UNC13B: variants seen among roughly 807,000 people sequenced by gnomAD.
The protein encoded by UNC13B is protein unc-13 homolog B.
In UNC13B, 144 loss-of-function variants were observed where a neutral mutation model predicts 211.0. That is an observed-to-expected ratio of 0.68 (90% CI 0.60 to 0.78). The LOEUF (loss-of-function observed/expected upper bound fraction) is 0.78. Among genes scored for constraint, UNC13B ranks in the 30% least tolerant of loss-of-function variants. UNC13B has a pLI of 0.00. For synonymous variants in UNC13B, 709 were observed against 725.8 expected (o/e 0.98, Z 0.37); for missense variants, 1,777 against 2,002.0 (o/e 0.89, Z 2.14).
chr9:35,394,490 G>A (rs1178895291), intron 26 of UNC13B, among the ~76,000 whole-genome samples: 3 of 152,176 alleles, frequency 2.0e-5, no homozygotes, highest in Non-Finnish European at 4.4e-5. Flanking sequence ...CAGCTACTCA[G>A]GAGCCTGAGG....
At chr9:35,196,393 G>C (rs1315269475) in intron 1 of UNC13B, among the ~76,000 whole-genome samples, 1 of 152,248 alleles carries the variant, frequency 6.6e-6, no homozygotes, top group Non-Finnish European at 1.5e-5. Context: ...TGCAGAGTCA[G>C]TGTGAATAGG....
intron 5 of UNC13B, among the ~76,000 whole-genome samples, chr9:35,238,906 T>C (rs1050648744): frequency 1.2e-4 from 16 of 132,808 alleles, no homozygotes; most frequent in South Asian, 2.4e-4. Context: ...GGTGGGTTTT[T>C]TCATTTTTTT....
intron 9 of UNC13B, 22 bp from the exon 10 acceptor site, chr9:35,310,445 T>A: frequency 6.2e-7 from 1 of 1,605,710 alleles, no homozygotes; most frequent in Non-Finnish European, 8.5e-7. Context: ...TTTACTTATC[T>A]GTCTTTCTGT....
chr9:35,377,029 T>C (rs964908830), intron 15 of UNC13B, among the ~76,000 whole-genome samples: 1 of 152,168 alleles, frequency 6.6e-6, no homozygotes, highest in African/African-American at 2.4e-5. Context: ...ACTGAAAGCT[T>C]TAAAGATTGT....
rs954862952 is a variant in UNC13B at position 35,191,069 on chromosome 9, C to T, written c.22+28764C>T. Among the ~76,000 whole-genome samples, 24 of 152,202 alleles carry T rather than the reference C, an allele frequency of 1.6e-4. No individual in the cohort carries two copies. In the East Asian group the frequency reaches 4.5e-3, roughly 28 times the overall value. On this transcript the variant is annotated intron_variant, in intron 1 of 39. Coordinates refer to ENST00000635942, the MANE Select transcript of UNC13B (RefSeq NM_001371189.2). ...CCATCTCCCGGGTTCCAATGATTCT[C>T]CTGCCTCAGCCTCCCAAATACCTGG...
At position 35,384,246 on chromosome 9, in the gene UNC13B, A is replaced by T. The variant is rs770212680; in HGVS notation, c.10807A>T (p.Lys3603Ter). The stretch of plus-strand genomic sequence containing the variant: ...CCCTTTATTTGTTTCTCACCCTCAG[A>T]AAGAGAGATTTGTAAAACTGCTGGA... ...SDRFAASNFG[K>*]ERFVKLLDQL... is the part of the protein sequence containing the mutation. Residue 3603 changes from lysine (K) to a stop codon, truncating the protein, a stop_gained and splice_region_variant, in exon 22 of 40, where the codon AAA becomes TAA. Coordinates refer to ENST00000635942, the MANE Select transcript of UNC13B (RefSeq NM_001371189.2). LOFTEE classifies it high-confidence loss of function. 1 of 1,614,058 alleles carries T rather than the reference A, an allele frequency of 6.2e-7. No homozygotes were observed. Among genetic ancestry groups the T allele is most frequent in the Non-Finnish European group, 8.5e-7 (1 of 1,179,948 alleles).
intron 7 of UNC13B, among the ~76,000 whole-genome samples, chr9:35,267,610 C>T (rs534673772): frequency 6.6e-6 from 1 of 152,258 alleles, no homozygotes; most frequent in South Asian, 2.1e-4. Context: ...CATTAGTTTT[C>T]CTAGGAGACA....
Position 35,381,192 on chromosome 9 carries a change from G to C in UNC13B, c.10468G>C (p.Val3490Leu). Residue 3490 changes from valine (V) to leucine (L), a missense_variant, in exon 19 of 40, where the codon GTG (valine) becomes CTG (leucine). Physicochemically the swap from Val to Leu is conservative, Grantham distance 32. Transcript: ENST00000635942. ...GGAGGAGAAAGTAGCCCCATACCAC[G>C]TGCAGTATACATGTCTCCATGAGGT... The part of the protein sequence containing the change: ...KGEEKVAPYH[V>L]QYTCLHENLF... 1 of 1,614,008 alleles carries C rather than the reference G, an allele frequency of 6.2e-7. No homozygotes were observed. Among genetic ancestry groups the C allele is most frequent in the Non-Finnish European group, 8.5e-7 (1 of 1,179,968 alleles).
At chr9:35,279,287 C>T (rs1159217411) in intron 7 of UNC13B, among the ~76,000 whole-genome samples, 1 of 152,160 alleles carries the variant, frequency 6.6e-6, no homozygotes, top group African/African-American at 2.4e-5. Context: ...TAAATGGAAT[C>T]ATATAGTATT....
chr9:35,309,287 GTT>G (rs766739789), intron 9 of UNC13B, among the ~76,000 whole-genome samples: 70 of 151,946 alleles, frequency 4.6e-4, no homozygotes, highest in Non-Finnish European at 9.1e-4. Context: ...AAGTATATGT[GTT>G]TGTGTGTTGA....
At chr9:35,364,557 G>C in intron 11 of UNC13B, 1 of 1,536,014 alleles carries the variant, frequency 6.5e-7, no homozygotes, top group African/African-American at 1.4e-5. Flanking sequence ...GAAAAGCGAG[G>C]AGCCCTTCAG....
chr9:35,171,924 A>G (rs944616327), intron 1 of UNC13B, among the ~76,000 whole-genome samples: 3 of 152,252 alleles, frequency 2.0e-5, no homozygotes, highest in African/African-American at 7.2e-5. Context: ...TAGATTAAAC[A>G]TAAATTAAAA....
intron 1 of UNC13B, among the ~76,000 whole-genome samples, chr9:35,185,627 A>G (rs1171487320): frequency 1.3e-5 from 2 of 152,108 alleles, no homozygotes; most frequent in African/African-American, 4.8e-5. Flanking sequence ...TAATCCGAAA[A>G]TAAAATTCTA....
Position 35,304,816 on chromosome 9 carries a change from A to G in UNC13B, c.5412A>G (p.Gln1804=), listed in dbSNP as rs77684631. ...DGFQSLIMSK[Q]LEGNSPNVEK... is the part of the protein sequence containing the mutation. ...TTCAGTCATTAATCATGAGTAAGCA[A>G]TTAGAGGGTAACTCCCCAAATGTGG... The change falls in exon 9 of 40, where the codon CAA becomes CAG. Residue 1804 remains glutamine, a synonymous_variant. Transcript: ENST00000635942. 189 of 398,968 alleles carry G rather than the reference A, an allele frequency of 4.7e-4. 1 individual carries two copies. Among genetic ancestry groups the G allele is most frequent in the African/African-American group, 3.7e-3 (180 of 48,758 alleles). 24.7% of individuals were successfully genotyped at this position (398,968 alleles called of 1,614,324 possible).
In UNC13B at chr9:35,313,825, G is replaced by A. The variant is rs554772692; in HGVS notation, c.9324-74G>A. The stretch of plus-strand genomic sequence containing the variant: ...CAAACCATTTTATTTTAGACATTTG[G>A]CAGTCTTGCCTTGAGCAGTGTCACC... On this transcript the variant is annotated intron_variant, in intron 10 of 39. Transcript: ENST00000635942. The A allele has an allele frequency of 9.4e-6, 11 of 1,166,098 alleles. No individual in the cohort carries two copies. In the South Asian group the frequency reaches 1.4e-4, roughly 14 times the overall value. 72.2% of individuals were successfully genotyped at this position (1,166,098 alleles called of 1,614,324 possible). A position where few individuals can be genotyped will look rare whatever the true frequency, so the allele number is the denominator to read the frequency against.
intron 7 of UNC13B, among the ~76,000 whole-genome samples, chr9:35,267,772 T>C (rs1358036413): frequency 6.6e-6 from 1 of 152,134 alleles, no homozygotes; most frequent in East Asian, 1.9e-4. Flanking sequence ...GGGTCTTATG[T>C]GAGTGATTGC....
chr9:35,349,253 C>T (rs16932360), intron 11 of UNC13B, among the ~76,000 whole-genome samples: 4,361 of 151,198 alleles, frequency 0.029, 219 homozygotes, highest in African/African-American at 0.1. Flanking sequence ...TGAAAGGCCA[C>T]TTGCCAGCTG....
chr9:35,395,071 C>A (rs1397057690), intron 26 of UNC13B, among the ~76,000 whole-genome samples: 3 of 152,012 alleles, frequency 2.0e-5, no homozygotes, highest in Non-Finnish European at 1.5e-5. Flanking sequence ...AGACTGGTTC[C>A]AGAACAGCAG....
chr9:35,263,318 T>A (rs1377055726), intron 7 of UNC13B, among the ~76,000 whole-genome samples: 2 of 147,590 alleles, frequency 1.4e-5, no homozygotes, highest in African/African-American at 5.1e-5. Context: ...CTTTGAATAA[T>A]AGGAACATTT....
Sources: gnomAD v4.1 joint callset for allele counts (sites outside exome capture counted in the v4.1 genomes callset) on GRCh38, gnomAD v4.1.1 for gene constraint, MANE v1.5 for transcripts, NCBI Gene and HGNC (gene_info 2026-07-23, HGNC 2026-07-21) for gene names.